WASF3: variants seen among roughly 807,000 people sequenced by gnomAD.
The protein encoded by WASF3 is WASP family member 3.
WASF3 carries 11 observed loss-of-function variants against 46.6 expected under a neutral mutation model. The ratio of observed to expected loss-of-function variants is 0.24; its 90% CI spans 0.15 to 0.39. WASF3 has a LOEUF of 0.39. Among genes scored for constraint, WASF3 ranks in the 10% least tolerant of loss-of-function variants. WASF3 has a pLI of 1.00. For missense variants in WASF3, 576 were observed against 669.8 expected (o/e 0.86, Z 1.55); for synonymous variants, 242 against 259.7 (o/e 0.93, Z 0.65).
At chr13:26,635,563 A>G (rs754069995) in intron 2 of WASF3, among the ~76,000 whole-genome samples, 6 of 152,160 alleles carry the variant, frequency 3.9e-5, no homozygotes, top group Non-Finnish European at 8.8e-5. Context: ...TGGAGGAGAA[A>G]ACGTGCTCTG....
intron 1 of WASF3, among the ~76,000 whole-genome samples, chr13:26,558,378 G>A (rs1253736297): frequency 6.6e-6 from 1 of 151,990 alleles, no homozygotes; most frequent in African/African-American, 2.4e-5. Flanking sequence ...CTCCCTCGAG[G>A]CTGCGGTGCC....
chr13:26,679,582 T>C lies in WASF3; in HGVS notation c.717-1472T>C, dbSNP rs1043007490. On this transcript the variant is annotated intron_variant, in intron 7 of 9. Coordinates refer to ENST00000335327, the MANE Select transcript of WASF3 (RefSeq NM_006646.6). The surrounding 1 kb of genome is among the most constrained non-coding windows in gnomAD (Gnocchi z 4.8). ...AGCTGTCCATGTTTGGCTGGAGAAC[T>C]CTGTTTCCTTTAAAAGGTTGCACTG... Among the ~76,000 whole-genome samples the C allele has an allele frequency of 3.9e-5, 6 of 152,184 alleles. No homozygotes were observed. Among genetic ancestry groups the C allele is most frequent in the African/African-American group, 1.4e-4 (6 of 41,440 alleles).
At chr13:26,668,493 C>G (rs575014962) in intron 5 of WASF3, among the ~76,000 whole-genome samples, 1 of 152,368 alleles carries the variant, frequency 6.6e-6, no homozygotes, top group South Asian at 2.1e-4. Context: ...TCTGGTGATT[C>G]TCCTGTGAGA....
rs1879822406 is a variant in WASF3 at position 26,577,137 on chromosome 13, C to G, written c.-109+19318C>G. 9.0e-6 allele frequency: 7 copies of G among 775,374 alleles called. No homozygotes were observed. In the South Asian group the frequency reaches 9.4e-5, roughly 10 times the overall value. The allele number at this position is 775,374 out of a possible 1,614,324, so 48.0% of individuals were successfully genotyped here. A position where few individuals can be genotyped will look rare whatever the true frequency, so the allele number is the denominator to read the frequency against. ...AAGATGAGATTGCATTTAGAAAATT[C>G]AAGCTGATTACTGAAGATGTTCAGG... On this transcript the variant is annotated intron_variant, in intron 1 of 9. Coordinates refer to ENST00000335327, the MANE Select transcript of WASF3 (RefSeq NM_006646.6).
chr13:26,677,524 G>C (rs989870308), intron 7 of WASF3, among the ~76,000 whole-genome samples: 1 of 152,192 alleles, frequency 6.6e-6, no homozygotes, highest in Non-Finnish European at 1.5e-5. Flanking sequence ...ACTTTGGGTT[G>C]TATCTGTGCC....
chr13:26,585,461 A>G (rs1349999420), intron 1 of WASF3, among the ~76,000 whole-genome samples: 1 of 152,196 alleles, frequency 6.6e-6, no homozygotes, highest in South Asian at 2.1e-4. Flanking sequence ...ATTTTACTAT[A>G]CTCAGTCATA....
intron 2 of WASF3, among the ~76,000 whole-genome samples, chr13:26,621,957 GC>G (rs1881319594): frequency 6.6e-6 from 1 of 152,164 alleles, no homozygotes; most frequent in African/African-American, 2.4e-5. Context: ...CAGAGGAAGG[GC>G]TTGGGCCAGC....
intron 9 of WASF3, among the ~76,000 whole-genome samples, chr13:26,683,558 A>G (rs1286337840): frequency 6.6e-6 from 1 of 152,094 alleles, no homozygotes; most frequent in African/African-American, 2.4e-5. Context: ...CGATTAATTA[A>G]TTGGATCTCT....
chr13:26,591,470 T>C (rs112878388), intron 1 of WASF3, among the ~76,000 whole-genome samples: 1 of 152,080 alleles, frequency 6.6e-6, no homozygotes, highest in Admixed American at 6.5e-5. Context: ...TAGTAGGATT[T>C]ACTGGTGGAT....
chr13:26,583,378 G>A (rs929212023), intron 1 of WASF3, among the ~76,000 whole-genome samples: 3 of 152,158 alleles, frequency 2.0e-5, no homozygotes, highest in African/African-American at 7.2e-5. Context: ...AAGAAATCCT[G>A]ATTCTAGTCT....
the WASF3 span, among the ~76,000 whole-genome samples, chr13:26,549,066 C>A: frequency 1.3e-5 from 2 of 151,468 alleles, no homozygotes; most frequent in Non-Finnish European, 2.9e-5. Flanking sequence ...ACTGCAACCT[C>A]CGACTCCCTG....
At chr13:26,558,318 C>CT (rs1254091220) in intron 1 of WASF3, among the ~76,000 whole-genome samples, 1 of 152,220 alleles carries the variant, frequency 6.6e-6, no homozygotes, top group East Asian at 1.9e-4. Context: ...CCTCGCCGCC[C>CT]TGGCCTGTGC....
chr13:26,680,308 C>T, intron 7 of WASF3: 2 of 1,317,974 alleles, frequency 1.5e-6, no homozygotes, highest in Non-Finnish European at 2.0e-6. Context: ...TAACCTGAGC[C>T]AGGAGCGTGT....
At chr13:26,590,967 G>A (rs142494343) in intron 1 of WASF3, among the ~76,000 whole-genome samples, 1 of 152,126 alleles carries the variant, frequency 6.6e-6, no homozygotes, top group Admixed American at 6.6e-5. Context: ...GTTTTAATTG[G>A]GGTGAGGCAG....
intron 2 of WASF3, among the ~76,000 whole-genome samples, chr13:26,627,261 A>G (rs1881494842): frequency 7.9e-6 from 1 of 126,056 alleles, no homozygotes; most frequent in African/African-American, 2.7e-5. Context: ...TCAACATCTT[A>G]TACTATACTT....
intron 3 of WASF3, among the ~76,000 whole-genome samples, chr13:26,646,536 TC>T (rs920555085): frequency 9.9e-5 from 15 of 151,954 alleles, no homozygotes; most frequent in Non-Finnish European, 2.1e-4. Flanking sequence ...CCTGTGTCAC[TC>T]CCCTCCCACC....
the WASF3 span, among the ~76,000 whole-genome samples, chr13:26,540,437 C>T: frequency 9.8e-5 from 15 of 152,288 alleles, no homozygotes; most frequent in African/African-American, 2.4e-4. Flanking sequence ...CTGGCAACCT[C>T]GAGCATTGGC....
upstream of WASF3, among the ~76,000 whole-genome samples, chr13:26,557,258 A>G (rs1335906155): frequency 2.6e-5 from 4 of 152,198 alleles, no homozygotes; most frequent in East Asian, 7.7e-4. Flanking sequence ...GGTTGCCTGA[A>G]GCCTCAGCCC....
In WASF3 at chr13:26,681,467, C is replaced by G; in HGVS notation, c.983+147C>G. 1.5e-5 allele frequency: 15 copies of G among 1,028,438 alleles called. 1 individual carries two copies. In the South Asian group the frequency reaches 2.7e-4, roughly 19 times the overall value. 63.7% of individuals were successfully genotyped at this position (1,028,438 alleles called of 1,614,324 possible). A position where few individuals can be genotyped will look rare whatever the true frequency, so the allele number is the denominator to read the frequency against. On this transcript the variant is annotated intron_variant, in intron 8 of 9. Transcript: ENST00000335327. The stretch of plus-strand genomic sequence containing the variant: ...TGTAGATACTAGCAACTCTAACATT[C>G]TGTGTGAAATAAAGCAGGTGCAGCA...
Sources: allele counts gnomAD v4.1 joint callset (sites outside exome capture counted in the v4.1 genomes callset), GRCh38; gene constraint gnomAD v4.1.1; non-coding constraint Gnocchi (gnomAD v3.1); transcripts MANE v1.5; gene names NCBI Gene and HGNC (gene_info 2026-07-23, HGNC 2026-07-21).